NXPE2: variants seen among roughly 807,000 people sequenced by gnomAD.
The protein encoded by NXPE2 is neurexophilin and PC-esterase domain family member 2, also known as NXPE family member 2.
In NXPE2, 34 loss-of-function variants were observed where a neutral mutation model predicts 34.4. The ratio of observed to expected loss-of-function variants is 0.99; its 90% CI spans 0.75 to 1.31. NXPE2 has a LOEUF of 1.31. Ranked by LOEUF, NXPE2 falls within the 40% of genes most tolerant of loss-of-function variation. NXPE2 has a pLI of 0.00. For missense variants in NXPE2, 649 were observed against 672.5 expected, an observed-to-expected ratio of 0.97 and a Z score of 0.39; for synonymous variants, 235 against 231.3, an observed-to-expected ratio of 1.02 and a Z score of -0.15.
the NXPE2 span, among the ~76,000 whole-genome samples, chr11:114,753,239 A>G: frequency 6.6e-6 from 1 of 152,036 alleles, no homozygotes; most frequent in Non-Finnish European, 1.5e-5. Context: ...AAAAAATGCA[A>G]AAAGTTAGCT....
chr11:114,703,869 A>C (rs1951419392), intron 3 of NXPE2, 122 bp from the exon 4 acceptor site: 1 of 713,004 alleles, frequency 1.4e-6, no homozygotes, highest in African/African-American at 1.8e-5. Context: ...GGATATCTTA[A>C]ATATATCAAA....
chr11:114,472,164 C>T, the NXPE2 span, among the ~76,000 whole-genome samples: 8 of 152,326 alleles, frequency 5.3e-5, no homozygotes, highest in African/African-American at 1.7e-4. Context: ...ACACGTTCCT[C>T]TGGGCTGAAG....
the NXPE2 span, among the ~76,000 whole-genome samples, chr11:114,632,977 T>A: frequency 9.6e-6 from 1 of 103,714 alleles, no homozygotes; most frequent in Non-Finnish European, 1.7e-5. Flanking sequence ...TATTATATAT[T>A]ATATATTTTT....
chr11:114,572,918 A>T, the NXPE2 span, among the ~76,000 whole-genome samples: 1 of 152,230 alleles, frequency 6.6e-6, no homozygotes, highest in South Asian at 2.1e-4. Flanking sequence ...TAATCAGATT[A>T]TCTAAAGTCA....
At chr11:114,764,191 T>G in the NXPE2 span, among the ~76,000 whole-genome samples, 1 of 152,172 alleles carries the variant, frequency 6.6e-6, no homozygotes, top group Non-Finnish European at 1.5e-5. Flanking sequence ...ATGTGATCCT[T>G]GCTGAGATCA....
the NXPE2 span, among the ~76,000 whole-genome samples, chr11:114,746,254 T>C: frequency 6.6e-6 from 1 of 152,214 alleles, no homozygotes; most frequent in African/African-American, 2.4e-5. Context: ...ATCCCTACTA[T>C]GCAGGGTAAC....
At chr11:114,633,384 TATTA>T in the NXPE2 span, among the ~76,000 whole-genome samples, 1 of 144,162 alleles carries the variant, frequency 6.9e-6, no homozygotes, top group Admixed American at 7.2e-5. Flanking sequence ...TTATGTATTA[TATTA>T]TATATTATAT....
At chr11:114,506,286 G>A in the NXPE2 span, among the ~76,000 whole-genome samples, 1 of 152,082 alleles carries the variant, frequency 6.6e-6, no homozygotes, top group Non-Finnish European at 1.5e-5. Context: ...AACTGTCAGA[G>A]ACTTTAATGC....
chr11:114,521,561 C>T, the NXPE2 span: 1 of 157,556 alleles, frequency 6.3e-6, no homozygotes, highest in Non-Finnish European at 1.4e-5. Context: ...AGGAAGGGTT[C>T]TTAGACATCA....
the NXPE2 span, among the ~76,000 whole-genome samples, chr11:114,632,884 A>C: frequency 4.5e-3 from 276 of 60,684 alleles, 4 homozygotes; most frequent in African/African-American, 0.016. Context: ...ATAATTATAT[A>C]TTATATAATT....
chr11:114,558,030 C>T, the NXPE2 span, among the ~76,000 whole-genome samples: 1 of 152,080 alleles, frequency 6.6e-6, no homozygotes, highest in African/African-American at 2.4e-5. Flanking sequence ...CTAGATCTCT[C>T]AACCCCTCAC....
chr11:114,666,721 G>A, the NXPE2 span, among the ~76,000 whole-genome samples: 2 of 151,980 alleles, frequency 1.3e-5, no homozygotes, highest in African/African-American at 2.4e-5. Flanking sequence ...CAAATTGCTG[G>A]CATATGCATG....
At chr11:114,492,334 C>T in the NXPE2 span, among the ~76,000 whole-genome samples, 1 of 151,694 alleles carries the variant, frequency 6.6e-6, no homozygotes, top group African/African-American at 2.4e-5. Context: ...TAGTTTTATT[C>T]CATTGTTTTC....
At chr11:114,467,106 CA>C in the NXPE2 span, among the ~76,000 whole-genome samples, 1 of 152,124 alleles carries the variant, frequency 6.6e-6, no homozygotes. Flanking sequence ...CAAGTGATTT[CA>C]ATATACTGTG....
At chr11:114,551,172 C>T in the NXPE2 span, 13 of 1,535,034 alleles carry the variant, frequency 8.5e-6, no homozygotes, top group East Asian at 2.4e-5. Flanking sequence ...AGATCAGCAG[C>T]GTTTTTTGAA....
At chr11:114,796,737 A>G in the NXPE2 span, among the ~76,000 whole-genome samples, 1 of 152,358 alleles carries the variant, frequency 6.6e-6, no homozygotes, top group East Asian at 1.9e-4. Flanking sequence ...AACAGTCTAT[A>G]GGCAGAAACA....
chr11:114,744,044 G>T, the NXPE2 span, among the ~76,000 whole-genome samples: 10 of 151,266 alleles, frequency 6.6e-5, no homozygotes, highest in African/African-American at 2.4e-4. Context: ...TTGCTCTTGG[G>T]GTCCTTTGTT....
chr11:114,740,453 C>G, the NXPE2 span, among the ~76,000 whole-genome samples: 1 of 152,190 alleles, frequency 6.6e-6, no homozygotes, highest in East Asian at 1.9e-4. Flanking sequence ...CTTCGACATA[C>G]TGTTTTCATT....
At chr11:114,497,115 C>T in the NXPE2 span, among the ~76,000 whole-genome samples, 2 of 152,004 alleles carry the variant, frequency 1.3e-5, no homozygotes, top group Non-Finnish European at 2.9e-5. Context: ...AGATGACCCC[C>T]CCATGTTACT....
Sources: allele counts gnomAD v4.1 joint callset (sites outside exome capture counted in the v4.1 genomes callset), GRCh38; gene constraint gnomAD v4.1.1; transcripts MANE v1.5; gene names NCBI Gene and HGNC (gene_info 2026-07-23, HGNC 2026-07-21).